LRRC7: variants seen among roughly 807,000 people sequenced by gnomAD.
The protein encoded by LRRC7 is leucine rich repeat containing 7.
LRRC7 carries 23 observed loss-of-function variants against 175.7 expected under a neutral mutation model. The ratio of observed to expected loss-of-function variants is 0.13; its 90% confidence interval spans 0.09 to 0.19. The LOEUF (loss-of-function observed/expected upper bound fraction) is 0.19. LRRC7 is among the 10% of genes least tolerant of loss of function. The pLI is 1.00. For missense variants in LRRC7, 1,354 were observed against 1,904.7 expected (o/e 0.71, Z 5.38); for synonymous variants, 685 against 680.9 (o/e 1.01, Z -0.09).
At chr1:70,001,722 A>T (rs940996726) in intron 11 of LRRC7, among the ~76,000 whole-genome samples, 3 of 152,200 alleles carry the variant, frequency 2.0e-5, no homozygotes, top group Non-Finnish European at 4.4e-5. Context: ...AATGACTTGT[A>T]AAATTAGTTA....
chr1:69,809,030 A>T (rs1174739128), intron 4 of LRRC7, among the ~76,000 whole-genome samples: 1 of 152,190 alleles, frequency 6.6e-6, no homozygotes, highest in East Asian at 1.9e-4. Flanking sequence ...ACTGCTAGCC[A>T]GACTAATAAA....
intron 8 of LRRC7, among the ~76,000 whole-genome samples, chr1:69,962,233 T>A (rs1330269797): frequency 6.6e-6 from 1 of 151,958 alleles, no homozygotes; most frequent in African/African-American, 2.4e-5. Context: ...AATAAAAAGC[T>A]CAACATCACT....
At chr1:70,093,760 C>T (rs550622218) in intron 25 of LRRC7, among the ~76,000 whole-genome samples, 1 of 152,242 alleles carries the variant, frequency 6.6e-6, no homozygotes, top group East Asian at 1.9e-4. Flanking sequence ...GGTATCATTA[C>T]AGTGGTGATT....
At chr1:70,029,496 GA>G (rs59882156) in intron 18 of LRRC7, among the ~76,000 whole-genome samples, 6 of 151,428 alleles carry the variant, frequency 4.0e-5, no homozygotes, top group Admixed American at 3.3e-4. Flanking sequence ...ATTTCTAAGG[GA>G]AAAAAAATTA....
intron 11 of LRRC7, among the ~76,000 whole-genome samples, chr1:70,000,624 CT>C: frequency 6.6e-6 from 1 of 152,320 alleles, no homozygotes; most frequent in South Asian, 2.1e-4. Context: ...ATAAGCTGGG[CT>C]TTTCCCTGTC....
chr1:69,741,617 G>A (rs1158425118), intron 2 of LRRC7, among the ~76,000 whole-genome samples: 1 of 151,892 alleles, frequency 6.6e-6, no homozygotes, highest in Non-Finnish European at 1.5e-5. Flanking sequence ...ATGAGGAAGA[G>A]AGGGAAGAAT....
At chr1:69,777,049 A>AT (rs1672890921) in intron 3 of LRRC7, among the ~76,000 whole-genome samples, 2 of 152,134 alleles carry the variant, frequency 1.3e-5, no homozygotes, top group Admixed American at 1.3e-4. Flanking sequence ...GCCCTAAATA[A>AT]TTAAGAGCTG....
intron 8 of LRRC7, among the ~76,000 whole-genome samples, chr1:69,944,955 T>C (rs1332873997): frequency 6.6e-6 from 1 of 152,080 alleles, no homozygotes; most frequent in African/African-American, 2.4e-5. Flanking sequence ...CCATTCCATA[T>C]GTTGTCTCTT....
chr1:69,972,191 A>T (rs1363206950), intron 8 of LRRC7, among the ~76,000 whole-genome samples: 1 of 152,154 alleles, frequency 6.6e-6, no homozygotes, highest in African/African-American at 2.4e-5. Context: ...TGTTGGAAAA[A>T]CCCTTCTAGA....
chr1:69,601,005 G>A lies in LRRC7; in HGVS notation c.2+32364G>A, dbSNP rs1441075948. 3.3e-5 allele frequency among the ~76,000 whole-genome samples: 5 copies of A among 151,746 alleles called. 1 individual carries two copies. Among genetic ancestry groups the A allele is most frequent in the Non-Finnish European group, 5.9e-5 (4 of 67,914 alleles). ...TAATTTTTGTACTTTTAGTAGAGAC[G>A]GGGTTTCGCCATGCTGGCCAGGCTG... is the stretch of plus-strand genomic sequence containing the variant. On this transcript the variant is annotated intron_variant, in intron 1 of 26. Coordinates refer to ENST00000651989, the MANE Select transcript of LRRC7 (RefSeq NM_001370785.2).
At chr1:69,728,832 G>A (rs1342323805) in intron 2 of LRRC7, among the ~76,000 whole-genome samples, 2 of 152,158 alleles carry the variant, frequency 1.3e-5, no homozygotes, top group Non-Finnish European at 2.9e-5. Context: ...GCTGGATAAT[G>A]GCAATAGTAT....
intron 8 of LRRC7, among the ~76,000 whole-genome samples, chr1:69,961,952 C>T (rs1328496468): frequency 6.6e-6 from 1 of 151,962 alleles, no homozygotes; most frequent in East Asian, 1.9e-4. Context: ...ACTAAGATGC[C>T]ACAACCAGTT....
At chr1:69,731,713 T>C (rs1031731744) in intron 2 of LRRC7, among the ~76,000 whole-genome samples, 1 of 152,202 alleles carries the variant, frequency 6.6e-6, no homozygotes, top group Non-Finnish European at 1.5e-5. Context: ...ATGTTCAATG[T>C]CCAAAGTATT....
At chr1:69,677,823 T>G (rs1303583516) in intron 1 of LRRC7, among the ~76,000 whole-genome samples, 2 of 152,116 alleles carry the variant, frequency 1.3e-5, no homozygotes, top group Non-Finnish European at 2.9e-5. Flanking sequence ...CTATTGCTCT[T>G]AGTTATGGAG....
chr1:69,872,568 A>T (rs538967925), intron 7 of LRRC7, among the ~76,000 whole-genome samples: 1 of 152,174 alleles, frequency 6.6e-6, no homozygotes, highest in South Asian at 2.1e-4. Flanking sequence ...GTATCTAGAG[A>T]TGATAAATAT....
chr1:69,967,647 C>CA (rs1651795577), intron 8 of LRRC7, among the ~76,000 whole-genome samples: 1 of 152,214 alleles, frequency 6.6e-6, no homozygotes, highest in East Asian at 1.9e-4. Flanking sequence ...AGACAACCCC[C>CA]AGTCCCAGCC....
At chr1:69,675,875 C>A (rs747990255) in intron 1 of LRRC7, among the ~76,000 whole-genome samples, 5 of 151,918 alleles carry the variant, frequency 3.3e-5, no homozygotes, top group Non-Finnish European at 5.9e-5. Flanking sequence ...GCTGTATTAT[C>A]ATTATCTTGA....
chr1:69,800,481 G>A (rs1057247420), intron 4 of LRRC7, among the ~76,000 whole-genome samples: 12 of 151,822 alleles, frequency 7.9e-5, no homozygotes, highest in African/African-American at 2.9e-4. Flanking sequence ...TAGATCCCAA[G>A]GCATTTTATT....
intron 11 of LRRC7, among the ~76,000 whole-genome samples, chr1:70,005,126 C>A (rs1322798350): frequency 6.6e-6 from 1 of 151,718 alleles, no homozygotes; most frequent in East Asian, 1.9e-4. Flanking sequence ...ATTTACTCTT[C>A]ATTGAAACTC....
Sources: allele counts gnomAD v4.1 joint callset (sites outside exome capture counted in the v4.1 genomes callset), GRCh38; gene constraint gnomAD v4.1.1; transcripts MANE v1.5; gene names NCBI Gene and HGNC (gene_info 2026-07-23, HGNC 2026-07-21).